The following PHACTR1 variants were observed in gnomAD, a reference collection of about 807,000 sequenced individuals.
PHACTR1 encodes RPEL repeat containing 1.
In PHACTR1, 16 loss-of-function variants were observed where a neutral mutation model predicts 69.2. The ratio of observed to expected loss-of-function variants is 0.23; its 90% CI spans 0.16 to 0.35. PHACTR1 has a LOEUF of 0.35. Among genes scored for constraint, PHACTR1 ranks in the 10% least tolerant of loss-of-function variants. The pLI is 1.00. For missense variants in PHACTR1, 510 were observed against 734.7 expected (o/e 0.69, Z 3.54); for synonymous variants, 312 against 284.5 (o/e 1.10, Z -0.97).
chr6:13,017,185 C>CAAAAAAAAA lies in PHACTR1; in HGVS notation c.251-36165_251-36157dup, dbSNP rs5874397. On this transcript the variant is annotated intron_variant, in intron 4 of 14. Transcript: ENST00000332995. ...TGGGTGAAGAAGTGAGACTCTGTCT[C>CAAAAAAAAA]AAAAAAAAAAAAAAAAAAAAAAATG... Among the ~76,000 whole-genome samples the CAAAAAAAAA allele has an allele frequency of 9.1e-5, 7 of 77,216 alleles. 1 individual carries two copies. The South Asian group carries it at 3.2e-3, about 35-fold the overall frequency. The allele number at this position is 77,216 out of a possible 152,430, so 50.7% of individuals were successfully genotyped here.
chr6:13,083,308 CTG>C (rs1811715122), intron 5 of PHACTR1, among the ~76,000 whole-genome samples: 2 of 152,012 alleles, frequency 1.3e-5, no homozygotes, highest in Admixed American at 1.3e-4. Flanking sequence ...GTCTATATCT[CTG>C]TTTTGGTACC....
At chr6:12,723,845 C>T in intron 3 of PHACTR1, among the ~76,000 whole-genome samples, 1 of 152,176 alleles carries the variant, frequency 6.6e-6, no homozygotes, top group Non-Finnish European at 1.5e-5. Context: ...GGATAAGCCC[C>T]ACACACGGTA....
At chr6:12,855,446 T>C (rs1187533039) in intron 4 of PHACTR1, among the ~76,000 whole-genome samples, 1 of 152,244 alleles carries the variant, frequency 6.6e-6, no homozygotes, top group Non-Finnish European at 1.5e-5. Context: ...GACGAGACCC[T>C]GTCTCTATGA....
chr6:12,856,798 A>G lies in PHACTR1; in HGVS notation c.250+107008A>G, dbSNP rs997317390. Reference sequence around the variant, plus strand: ...TGATATGCCCTTGGCCAGTCTAAACAAAATGCTGGTTTTTATTTGAGAATT... The same window carrying G: ...TGATATGCCCTTGGCCAGTCTAAACGAAATGCTGGTTTTTATTTGAGAATT... On this transcript the variant is annotated intron_variant, in intron 4 of 14. Coordinates refer to ENST00000332995, the MANE Select transcript of PHACTR1 (RefSeq NM_030948.6). Among the ~76,000 whole-genome samples the G allele has an allele frequency of 9.8e-5, 15 of 152,298 alleles. No homozygotes were observed. In the East Asian group the frequency reaches 2.9e-3, roughly 29 times the overall value.
At chr6:13,110,065 G>C (rs768615909) in intron 5 of PHACTR1, among the ~76,000 whole-genome samples, 12 of 150,696 alleles carry the variant, frequency 8.0e-5, no homozygotes, top group Non-Finnish European at 1.6e-4. Flanking sequence ...TAAATCCTTG[G>C]GCATAAATAA....
At chr6:12,832,844 A>G in intron 4 of PHACTR1, among the ~76,000 whole-genome samples, 1 of 152,170 alleles carries the variant, frequency 6.6e-6, no homozygotes. Context: ...GTGTGGAATA[A>G]TATGCTAAAT....
chr6:12,906,355 A>AT (rs1182665072), intron 4 of PHACTR1, among the ~76,000 whole-genome samples: 1 of 152,198 alleles, frequency 6.6e-6, no homozygotes, highest in Non-Finnish European at 1.5e-5. Flanking sequence ...AGAGTGCTCA[A>AT]GGGGTCAGCC....
At position 13,212,867 on chromosome 6, in the gene PHACTR1, C is replaced by T. The variant is rs1767082217; in HGVS notation, c.986+6731C>T. 2.0e-5 allele frequency among the ~76,000 whole-genome samples: 3 copies of T among 152,202 alleles called. No homozygotes were observed. In the South Asian group the frequency reaches 6.2e-4, roughly 31 times the overall value. On this transcript the variant is annotated intron_variant, in intron 8 of 14. Transcript: ENST00000332995. ...CTCAAATGTCACATCCTCAATGAGG[C>T]CCTTCCCGTTCAATATTGCAACCCT...
At chr6:12,892,124 TA>T (rs1784221732) in intron 4 of PHACTR1, among the ~76,000 whole-genome samples, 1 of 151,722 alleles carries the variant, frequency 6.6e-6, no homozygotes, top group Non-Finnish European at 1.5e-5. Flanking sequence ...CCTTTCCAAA[TA>T]TGTTACTAAA....
chr6:13,182,597 C>T lies in PHACTR1; in HGVS notation c.575C>T (p.Pro192Leu). 1 of 1,613,258 alleles carries T rather than the reference C, an allele frequency of 6.2e-7. No individual in the cohort carries two copies. Among genetic ancestry groups the T allele is most frequent in the Middle Eastern group, 1.7e-4 (1 of 6,050 alleles). The change falls in exon 7 of 15, where the codon CCT (proline) becomes CTT (leucine). Residue 192 changes from proline to leucine, a missense_variant. By Grantham distance (98) the Pro-to-Leu change is moderately conservative. Coordinates refer to ENST00000332995, the MANE Select transcript of PHACTR1 (RefSeq NM_030948.6). ...QSLSSSQLSL[P>L]ALSEMEPVPM... ...CTGAGCTCCAGCCAGCTGTCTCTGC[C>T]TGCCCTGTCCGAAATGGAGCCAGTC...
chr6:13,272,958 G>T (rs757095035), intron 11 of PHACTR1, 43 bp downstream of exon 11: 1 of 1,609,046 alleles, frequency 6.2e-7, no homozygotes, highest in Non-Finnish European at 8.5e-7. Context: ...TTTTGTGGCG[G>T]CTTTTGTTAT....
At chr6:13,255,278 C>A (rs1161139243) in intron 10 of PHACTR1, among the ~76,000 whole-genome samples, 2 of 152,162 alleles carry the variant, frequency 1.3e-5, no homozygotes, top group Non-Finnish European at 2.9e-5. Context: ...AGGTGCTAAC[C>A]CATTCATGAG....
At chr6:13,204,424 C>T (rs569820235) in intron 7 of PHACTR1, among the ~76,000 whole-genome samples, 2 of 152,072 alleles carry the variant, frequency 1.3e-5, no homozygotes, top group African/African-American at 2.4e-5. Context: ...CTCCTCCCTG[C>T]TGTGCTGTTC....
rs1286987030 is a variant in PHACTR1, at chr6:12,986,512, TC to T, written c.251-66852del. On this transcript the variant is annotated intron_variant, in intron 4 of 14. Transcript: ENST00000332995. ...ACTAGATGAGAAGCCATACTAATGC[TC>T]TTGCGTTCATTATTCCCCCCAGTGT... Among the ~76,000 whole-genome samples the T allele has an allele frequency of 5.3e-5, 8 of 152,320 alleles. No homozygotes were observed. The East Asian group carries it at 1.5e-3, about 29-fold the overall frequency.
chr6:12,773,744 T>A (rs922584995), intron 4 of PHACTR1, among the ~76,000 whole-genome samples: 1 of 152,232 alleles, frequency 6.6e-6, no homozygotes, highest in Non-Finnish European at 1.5e-5. Flanking sequence ...CCAGAATATC[T>A]ACTTCTCATA....
At chr6:13,281,835 C>T (rs17767967) in intron 12 of PHACTR1, among the ~76,000 whole-genome samples, 22,460 of 152,216 alleles carry the variant, frequency 0.15, 1,991 homozygotes, top group South Asian at 0.29. Flanking sequence ...CCGCGACAGG[C>T]CCACACTGGT....
chr6:13,270,881 G>C (rs1777559484), intron 10 of PHACTR1, among the ~76,000 whole-genome samples: 4 of 152,154 alleles, frequency 2.6e-5, no homozygotes, highest in Non-Finnish European at 5.9e-5. Flanking sequence ...GCATTTGCTT[G>C]ACTTCTAGGG....
chr6:13,230,476 G>A (rs1299895556), intron 10 of PHACTR1: 4 of 461,834 alleles, frequency 8.7e-6, no homozygotes, highest in South Asian at 4.2e-5. Context: ...AATCTGGGAG[G>A]TGTAGGTTCC....
rs150521718 is a variant in PHACTR1 at position 13,186,846 on chromosome 6, T to C, written c.664+4160T>C. Among the ~76,000 whole-genome samples, 865 of 152,310 alleles carry C rather than the reference T, an allele frequency of 5.7e-3. 9 individuals are homozygous for C. The highest frequency in any genetic ancestry group is 0.019 in the African/African-American group (781 of 41,558). ...TTTGTTGTGCACTTTATTTCTATTA[T>C]TATTACATTGTAATACATAATTAAA... On this transcript the variant is annotated intron_variant, in intron 7 of 14. Transcript: ENST00000332995.
Sources: gnomAD v4.1 joint callset for allele counts (sites outside exome capture counted in the v4.1 genomes callset) on GRCh38, gnomAD v4.1.1 for gene constraint, MANE v1.5 for transcripts, NCBI Gene and HGNC (gene_info 2026-07-23, HGNC 2026-07-21) for gene names.